The following TARS2 variants were observed in gnomAD, a reference collection of about 807,000 sequenced individuals.
The protein encoded by TARS2 is threonyl-tRNA synthetase 2, mitochondrial.
Under a neutral mutation model 94.4 loss-of-function variants are expected in TARS2, and 61 were observed. That is an observed-to-expected ratio of 0.65 (90% CI 0.53 to 0.80). The LOEUF is 0.80. Among genes scored for constraint, TARS2 ranks in the 30% least tolerant of loss-of-function variants. The probability of loss-of-function intolerance (pLI) is 0.00; values close to 1 mark genes in which losing one functional copy is unlikely to be tolerated. For synonymous variants in TARS2, 359 were observed against 353.4 expected (o/e 1.02, Z -0.18); for missense variants, 704 against 902.5 (o/e 0.78, Z 2.82).
rs1669793238 is a variant in TARS2, at chr1:150,499,004, G to T, written c.1509G>T (p.Gly503=). The change falls in exon 12 of 18, where the codon GGG becomes GGT. Residue 503 remains glycine (G), a synonymous_variant. Coordinates refer to ENST00000369064, the MANE Select transcript of TARS2 (RefSeq NM_025150.5). ...CCACCCGGCCATCTGGCTTCCTGGG[G>T]GACCCTTGCCTTTGGGACCAGGCCG... The part of the protein sequence containing the change: ...ALSTRPSGFL[G]DPCLWDQAEQ... The T allele has an allele frequency of 1.2e-6, 2 of 1,614,114 alleles. No homozygotes were observed. Among genetic ancestry groups the T allele is most frequent in the Non-Finnish European group, 1.7e-6 (2 of 1,180,026 alleles).
chr1:150,507,293 G>C lies in TARS2; in HGVS notation c.*229G>C, dbSNP rs1189265826. On this transcript the variant is annotated 3_prime_UTR_variant, in exon 18 of 18. Transcript: ENST00000369064. Reference sequence around the variant, plus strand: ...CTACAAAAAAAAATAAATTGGGCCAGGCGCAGTGGCTCATGCCTGTAATCC... The same window carrying C: ...CTACAAAAAAAAATAAATTGGGCCACGCGCAGTGGCTCATGCCTGTAATCC... 3 of 507,130 alleles carry C rather than the reference G, an allele frequency of 5.9e-6. No homozygotes were observed. Among genetic ancestry groups the C allele is most frequent in the Non-Finnish European group, 1.0e-5 (3 of 295,664 alleles). 31.4% of individuals were successfully genotyped at this position (507,130 alleles called of 1,614,324 possible). A position where few individuals can be genotyped will look rare whatever the true frequency, so the allele number is the denominator to read the frequency against.
chr1:150,491,850 G>A (rs1432492835), intron 6 of TARS2, 188 bp downstream of exon 6: 18 of 591,068 alleles, frequency 3.0e-5, no homozygotes, highest in East Asian at 1.3e-4. Flanking sequence ...GCTGGAGTGC[G>A]GTAGCACGAT....
chr1:150,492,456 T>C lies in TARS2; in HGVS notation c.741T>C (p.His247=), dbSNP rs1249095093. 1 of 1,614,022 alleles carries C rather than the reference T, an allele frequency of 6.2e-7. No individual in the cohort carries two copies. Among genetic ancestry groups the C allele is most frequent in the Non-Finnish European group, 8.5e-7 (1 of 1,179,950 alleles). ...VDLCQGPHLR[H]TGQIGGLKLL... Reference sequence around the variant, plus strand: ...TTTGCCAGGGCCCCCACCTTCGGCATACTGGACAGATTGGAGGACTGAAGC... The same window carrying C: ...TTTGCCAGGGCCCCCACCTTCGGCACACTGGACAGATTGGAGGACTGAAGC... Residue 247 remains histidine (H), a synonymous_variant, in exon 7 of 18, where the codon CAT becomes CAC. Coordinates refer to ENST00000369064, the MANE Select transcript of TARS2 (RefSeq NM_025150.5).
In TARS2 at chr1:150,507,269, T is replaced by A; in HGVS notation, c.*205T>A. The A allele has an allele frequency of 1.6e-6, 1 of 627,328 alleles. No individual in the cohort carries two copies. Among genetic ancestry groups the A allele is most frequent in the Non-Finnish European group, 2.6e-6 (1 of 388,940 alleles). The allele number at this position is 627,328 out of a possible 1,614,324, so 38.9% of individuals were successfully genotyped here. A position where few individuals can be genotyped will look rare whatever the true frequency, so the allele number is the denominator to read the frequency against. On this transcript the variant is annotated 3_prime_UTR_variant, in exon 18 of 18. Transcript: ENST00000369064. ...TGTTTGGATGTGAGGAGAATGAAAC[T>A]ACAAAAAAAAATAAATTGGGCCAGG...
At chr1:150,489,920 C>T (rs188586900) in intron 3 of TARS2, among the ~76,000 whole-genome samples, 1 of 151,916 alleles carries the variant, frequency 6.6e-6, no homozygotes, top group African/African-American at 2.4e-5. Flanking sequence ...CTAGCCTGGG[C>T]GACAGAGCGA....
rs1025176712 is a variant in TARS2 at position 150,505,796 on chromosome 1, A to C, written c.2008+91A>C. ...AAGTCTGGTAATGCATATTTGGGTT[A>C]ATTGGGGCTCATTACCTGAGCAGGT... On this transcript the variant is annotated intron_variant, in intron 17 of 17. Transcript: ENST00000369064. 5.6e-6 allele frequency: 7 copies of C among 1,239,800 alleles called. No homozygotes were observed. The East Asian group carries it at 1.5e-4, about 26-fold the overall frequency. 76.8% of individuals were successfully genotyped at this position (1,239,800 alleles called of 1,614,324 possible). A position where few individuals can be genotyped will look rare whatever the true frequency, so the allele number is the denominator to read the frequency against.
chr1:150,501,279 A>G (rs1297927178), intron 13 of TARS2, among the ~76,000 whole-genome samples: 1 of 148,240 alleles, frequency 6.7e-6, no homozygotes, highest in Non-Finnish European at 1.5e-5. Context: ...CATCATAATA[A>G]GACCTCGTCT....
In TARS2 at chr1:150,489,043, T is replaced by A. The variant is rs1189513771; in HGVS notation, c.343T>A (p.Ser115Thr). The change falls in exon 3 of 18, where the codon TCT becomes ACT. Residue 115 changes from serine (S) to threonine (T), a missense_variant. Coordinates refer to ENST00000369064, the MANE Select transcript of TARS2 (RefSeq NM_025150.5). ...TCTGGAGCGGCCCTTGGAGACAGAT[T>A]CTGACCTCAGATTTCTGACATTCGA... ...YDLERPLETD[S>T]DLRFLTFDSP... The A allele has an allele frequency of 6.2e-7, 1 of 1,614,120 alleles. No individual in the cohort carries two copies. The highest frequency in any genetic ancestry group is 1.3e-5 in the African/African-American group (1 of 74,944).
chr1:150,496,884 TA>T lies in TARS2; in HGVS notation c.998del (p.Asn333MetfsTer3). 6.2e-7 allele frequency: 1 copy of T among 1,614,030 alleles called. No individual in the cohort carries two copies. On this transcript the variant is annotated frameshift_variant, in exon 9 of 18. Transcript: ENST00000369064. LOFTEE classifies it high-confidence loss of function. Reference protein sequence around the residue: ...FFLPRGTRVYNALVAFIRAEY... With the variant: ...FFLPRGTRVYXALVAFIRAEY... Reference sequence around the variant, plus strand: ...TCCTGCCACGAGGGACAAGGGTGTATAATGCACTAGTGGCGTTTATCAGGGT... The same window carrying T: ...TCCTGCCACGAGGGACAAGGGTGTATATGCACTAGTGGCGTTTATCAGGGT...
In TARS2 at chr1:150,493,812, T is replaced by C. The variant is rs1023301974; in HGVS notation, c.774+1323T>C. Among the ~76,000 whole-genome samples, 3 of 146,182 alleles carry C rather than the reference T, an allele frequency of 2.1e-5. No individual in the cohort carries two copies. The Admixed American group carries it at 2.1e-4, about 10-fold the overall frequency. ...GGACAAGAAGAGTTACTAGATGGAA[T>C]GGGATGAGTTACAAGGGAGCAAGGG... On this transcript the variant is annotated intron_variant, in intron 7 of 17. Transcript: ENST00000369064.
chr1:150,496,404 A>C, intron 7 of TARS2, 78 bp from the exon 8 acceptor site: 1 of 1,505,664 alleles, frequency 6.6e-7, no homozygotes, highest in South Asian at 1.3e-5. Context: ...CTTAACACTG[A>C]GAGTATCATT....
chr1:150,503,656 T>C (rs111788024), intron 13 of TARS2, among the ~76,000 whole-genome samples: 28,593 of 90,888 alleles, frequency 0.31, 4,200 homozygotes, highest in African/African-American at 0.46. Flanking sequence ...TGTGTGTATA[T>C]ATGTGTGTAT....
chr1:150,488,043 C>T lies in TARS2; in HGVS notation c.252C>T (p.Ala84=), dbSNP rs922804094. 6.2e-7 allele frequency: 1 copy of T among 1,613,868 alleles called. No individual in the cohort carries two copies. ...VAWNTTPYQL[A]RQISSTLADT... ...GGAACACAACCCCCTACCAACTAGCCCGGCAGATCAGGTAACAGGCCCATC... is the reference window on the plus strand; with the variant it reads ...GGAACACAACCCCCTACCAACTAGCTCGGCAGATCAGGTAACAGGCCCATC... Residue 84 remains alanine, a synonymous_variant, in exon 2 of 18, where the codon GCC becomes GCT. Coordinates refer to ENST00000369064, the MANE Select transcript of TARS2 (RefSeq NM_025150.5).
At chr1:150,505,767 T>A (rs1670173138) in intron 17 of TARS2, 62 bp downstream of exon 17, 4 of 1,522,340 alleles carry the variant, frequency 2.6e-6, no homozygotes, top group Non-Finnish European at 3.6e-6. Flanking sequence ...CTGTTAAGTT[T>A]ACCAAGTCTG....
Position 150,490,730 on chromosome 1 carries a change from G to GT in TARS2, c.512+6dup. On this transcript the variant is annotated splice_donor_region_variant and intron_variant, in intron 4 of 17. Transcript: ENST00000369064. The stretch of plus-strand genomic sequence containing the variant: ...TTTCTTCCTGGGAAAGGAGAGGTGA[G>GT]TAATGAAAGGAAGGAGGAGAATGAT... 6.2e-7 allele frequency: 1 copy of GT among 1,613,556 alleles called. No homozygotes were observed. The highest frequency in any genetic ancestry group is 8.5e-7 in the Non-Finnish European group (1 of 1,179,872).
At chr1:150,503,545 A>ATATG (rs780302601) in intron 13 of TARS2, among the ~76,000 whole-genome samples, 1 of 95,574 alleles carries the variant, frequency 1.0e-5, no homozygotes, top group Admixed American at 9.7e-5. Flanking sequence ...AAATACACAT[A>ATATG]TGTGTGTGTG....
At chr1:150,503,595 G>GTGTT (rs1670034689) in intron 13 of TARS2, among the ~76,000 whole-genome samples, 1 of 142,414 alleles carries the variant, frequency 7.0e-6, no homozygotes, top group African/African-American at 2.7e-5. Flanking sequence ...ATGTGTGTGT[G>GTGTT]TGTGTGTATG....
chr1:150,488,318 A>C (rs1669239681), intron 2 of TARS2: 1 of 362,660 alleles, frequency 2.8e-6, no homozygotes. Flanking sequence ...TACAGGCATG[A>C]GCCACCAAAC....
At chr1:150,489,178 T>G (rs940269540) in intron 3 of TARS2, 91 bp downstream of exon 3, 21 of 1,596,062 alleles carry the variant, frequency 1.3e-5, no homozygotes, top group Non-Finnish European at 1.7e-5. Context: ...TTGCCGCAGT[T>G]TCTCCATTTG....
Sources: allele counts gnomAD v4.1 joint callset (sites outside exome capture counted in the v4.1 genomes callset), GRCh38; gene constraint gnomAD v4.1.1; transcripts MANE v1.5; gene names NCBI Gene and HGNC (gene_info 2026-07-23, HGNC 2026-07-21).